The following PRMT3 variants were observed in gnomAD, a reference collection of about 807,000 sequenced individuals.
PRMT3 encodes the protein protein arginine methyltransferase 3.
In PRMT3, 62 loss-of-function variants were observed where a neutral mutation model predicts 71.9. That is an observed-to-expected ratio of 0.86 (90% CI 0.70 to 1.07). PRMT3 has a LOEUF of 1.07. Ranked by LOEUF, PRMT3 falls within the 50% of genes least tolerant of loss-of-function variation. PRMT3 has a pLI of 0.00. For synonymous variants in PRMT3, 213 were observed against 220.4 expected, an observed-to-expected ratio of 0.97 and a Z score of 0.30; for missense variants, 663 against 643.0, an observed-to-expected ratio of 1.03 and a Z score of -0.34.
intron 9 of PRMT3, among the ~76,000 whole-genome samples, chr11:20,414,165 G>T (rs190335671): frequency 5.3e-5 from 8 of 152,056 alleles, no homozygotes; most frequent in African/African-American, 1.9e-4. Flanking sequence ...ACCAACCTGG[G>T]CAAGATAGAA....
Position 20,464,554 on chromosome 11 carries a change from A to G in PRMT3, c.1347+8A>G, listed in dbSNP as rs780399781. The G allele has an allele frequency of 6.8e-6, 11 of 1,606,042 alleles. No homozygotes were observed. In the East Asian group the frequency reaches 2.0e-4, roughly 29 times the overall value. On this transcript the variant is annotated splice_region_variant and intron_variant, in intron 13 of 15. Transcript: ENST00000331079. ...AGGACATCCATGTGCACGGTAAGCT[A>G]TTTCATTCTGCTTTTACAAATTTCA...
Position 20,478,814 on chromosome 11 carries a change from A to G in PRMT3, c.1347+14268A>G, listed in dbSNP as rs549162129. Among the ~76,000 whole-genome samples, 7 of 152,318 alleles carry G rather than the reference A, an allele frequency of 4.6e-5. No homozygotes were observed. In the South Asian group the frequency reaches 1.4e-3, roughly 32 times the overall value. ...ATTTATTTGCAATTGTGTTCTTTAA[A>G]TCTTATAATGCTTCTGGAAAATCTC... On this transcript the variant is annotated intron_variant, in intron 13 of 15. Coordinates refer to ENST00000331079, the MANE Select transcript of PRMT3 (RefSeq NM_005788.4).
chr11:20,440,881 T>C (rs1590066349), intron 10 of PRMT3, among the ~76,000 whole-genome samples: 2 of 152,130 alleles, frequency 1.3e-5, no homozygotes, highest in South Asian at 4.1e-4. Flanking sequence ...TTTAACAGAG[T>C]CTTTCATAGA....
At chr11:20,460,082 G>A (rs1216515255) in intron 11 of PRMT3, among the ~76,000 whole-genome samples, 1 of 152,284 alleles carries the variant, frequency 6.6e-6, no homozygotes, top group Non-Finnish European at 1.5e-5. Flanking sequence ...AAGCAATTGC[G>A]TTGGTGCCAG....
In PRMT3 at chr11:20,392,113, ATTATT is replaced by A. The variant is rs1299939850; in HGVS notation, c.248-92_248-88del. 41 of 1,207,670 alleles carry A rather than the reference ATTATT, an allele frequency of 3.4e-5. No homozygotes were observed. In the East Asian group the frequency reaches 9.7e-4, roughly 29 times the overall value. The allele number at this position is 1,207,670 out of a possible 1,614,324, so 74.8% of individuals were successfully genotyped here. A position where few individuals can be genotyped will look rare whatever the true frequency, so the allele number is the denominator to read the frequency against. On this transcript the variant is annotated intron_variant, in intron 3 of 15. Coordinates refer to ENST00000331079, the MANE Select transcript of PRMT3 (RefSeq NM_005788.4). The stretch of plus-strand genomic sequence containing the variant: ...TATAAGTAGTAATTTAGAGGTCAGA[ATTATT>A]TTATTGTTTAATCAGAGAAGGCTTT...
At chr11:20,433,423 A>G (rs1457626282) in intron 10 of PRMT3, among the ~76,000 whole-genome samples, 1 of 152,100 alleles carries the variant, frequency 6.6e-6, no homozygotes, top group Non-Finnish European at 1.5e-5. Context: ...TCTATGGTGT[A>G]TCTGTGACAC....
chr11:20,464,452 A>T lies in PRMT3; in HGVS notation c.1261-8A>T. On this transcript the variant is annotated splice_region_variant and splice_polypyrimidine_tract_variant and intron_variant, in intron 12 of 15. Transcript: ENST00000331079. ...TAAGCTCTTTCTTCACTTCTTTTTA[A>T]TGGGTAGCATATAGATTGCCATACG... 6.4e-7 allele frequency: 1 copy of T among 1,573,764 alleles called. No homozygotes were observed. Among genetic ancestry groups the T allele is most frequent in the Non-Finnish European group, 8.6e-7 (1 of 1,164,740 alleles).
intron 13 of PRMT3, among the ~76,000 whole-genome samples, chr11:20,473,621 CT>C (rs918392152): frequency 6.6e-6 from 1 of 152,116 alleles, no homozygotes; most frequent in African/African-American, 2.4e-5. Flanking sequence ...TGTTTTACTT[CT>C]GGTTAACAGC....
intron 11 of PRMT3, among the ~76,000 whole-genome samples, chr11:20,454,569 CAAGAG>C (rs1850226193): frequency 6.6e-6 from 1 of 152,040 alleles, no homozygotes; most frequent in Non-Finnish European, 1.5e-5. Flanking sequence ...TTAACAGAAT[CAAGAG>C]AAAGAAAGTT....
In PRMT3 at chr11:20,473,339, T is replaced by A. The variant is rs1412647479; in HGVS notation, c.1347+8793T>A. 3.3e-5 allele frequency among the ~76,000 whole-genome samples: 5 copies of A among 152,114 alleles called. No individual in the cohort carries two copies. The South Asian group carries it at 8.3e-4, about 25-fold the overall frequency. ...GTGATGTTAGGATGTCGATTTGAGA[T>A]CTTTCTGTCTTTTTGATGTGTACAT... On this transcript the variant is annotated intron_variant, in intron 13 of 15. Transcript: ENST00000331079.
chr11:20,493,792 A>C (rs939095410), intron 13 of PRMT3, 127 bp from the exon 14 acceptor site: 18 of 638,104 alleles, frequency 2.8e-5, no homozygotes, highest in Non-Finnish European at 4.2e-5. Flanking sequence ...CAGGAAAAAT[A>C]TTGAGTTTAA....
At chr11:20,503,150 A>G (rs1851498411) in intron 15 of PRMT3, among the ~76,000 whole-genome samples, 2 of 151,928 alleles carry the variant, frequency 1.3e-5, no homozygotes, top group Middle Eastern at 3.4e-3. Flanking sequence ...GCTTTATAGA[A>G]TTTTTTTTCA....
intron 11 of PRMT3, among the ~76,000 whole-genome samples, chr11:20,457,555 A>G (rs1181160859): frequency 1.3e-5 from 2 of 152,264 alleles, no homozygotes; most frequent in Non-Finnish European, 2.9e-5. Flanking sequence ...TCAAAAGTCT[A>G]AATGAGGTGC....
At chr11:20,489,769 GT>G (rs1172524201) in intron 13 of PRMT3, among the ~76,000 whole-genome samples, 181 of 144,800 alleles carry the variant, frequency 1.3e-3, no homozygotes, top group Middle Eastern at 0.011. Context: ...AATTGAAGGG[GT>G]TTTTTTTTTT....
chr11:20,425,118 A>AG (rs1290576626), intron 9 of PRMT3, among the ~76,000 whole-genome samples: 1 of 152,070 alleles, frequency 6.6e-6, no homozygotes, highest in African/African-American at 2.4e-5. Flanking sequence ...AAAAAAAAAA[A>AG]AAAAGAAAGA....
Position 20,388,147 on chromosome 11 carries a change from T to C in PRMT3, c.157T>C (p.Cys53Arg). The change falls in exon 2 of 16, where the codon TGT becomes CGT. Residue 53 changes from cysteine (C) to arginine (R), a missense_variant. Physicochemically the swap from Cys to Arg is radical, Grantham distance 180 (BLOSUM62 -3). Coordinates refer to ENST00000331079, the MANE Select transcript of PRMT3 (RefSeq NM_005788.4). ...HGKQQTPCLFCNRLFTSAEET... is the reference protein window; with the variant it reads ...HGKQQTPCLFRNRLFTSAEET... ...CAAGCAGCAGACCCCCTGCCTGTTC[T>C]GTAACAGGTTCGTCCGCCTCAGCGC... The C allele has an allele frequency of 6.2e-7, 1 of 1,613,930 alleles. No individual in the cohort carries two copies. Among genetic ancestry groups the C allele is most frequent in the Non-Finnish European group, 8.5e-7 (1 of 1,179,982 alleles).
intron 3 of PRMT3, among the ~76,000 whole-genome samples, chr11:20,391,058 AAAAAT>A (rs1014261308): frequency 6.6e-6 from 1 of 152,132 alleles, no homozygotes; most frequent in African/African-American, 2.4e-5. Context: ...TCAAAAAAAA[AAAAAT>A]AATAGGTTTT....
chr11:20,463,432 G>A (rs1022840339), intron 12 of PRMT3, among the ~76,000 whole-genome samples: 5 of 152,134 alleles, frequency 3.3e-5, no homozygotes, highest in African/African-American at 1.2e-4. Context: ...AAGCCTTAAA[G>A]TTGAGCAGAA....
chr11:20,420,602 A>G (rs1488837185), intron 9 of PRMT3, among the ~76,000 whole-genome samples: 1 of 152,182 alleles, frequency 6.6e-6, no homozygotes, highest in East Asian at 1.9e-4. Context: ...TCCTTACAAG[A>G]ATCTAATATC....
Sources: allele counts gnomAD v4.1 joint callset (sites outside exome capture counted in the v4.1 genomes callset), GRCh38; gene constraint gnomAD v4.1.1; transcripts MANE v1.5; gene names NCBI Gene and HGNC (gene_info 2026-07-23, HGNC 2026-07-21).